Variants in TULP4 observed in about 807,000 individuals in gnomAD.
The protein encoded by TULP4 is TUB like protein 4, also known as tubby-related protein 4.
Under a neutral mutation model 129.0 loss-of-function variants are expected in TULP4, and 16 were observed. The ratio of observed to expected loss-of-function variants is 0.12; its 90% CI spans 0.08 to 0.19. The LOEUF (loss-of-function observed/expected upper bound fraction) is 0.19, where lower values mean the gene tolerates loss of function less well. Ranked by LOEUF, TULP4 falls within the 10% of genes least tolerant of loss-of-function variation. TULP4 has a pLI of 1.00. For missense variants in TULP4, 1,842 were observed against 2,059.1 expected (o/e 0.89, Z 2.04); for synonymous variants, 998 against 854.0 (o/e 1.17, Z -2.94).
chr6:158,477,728 C>T (rs1045754390), intron 6 of TULP4, among the ~76,000 whole-genome samples: 1 of 152,198 alleles, frequency 6.6e-6, no homozygotes, highest in African/African-American at 2.4e-5. Context: ...GAATTGAGAA[C>T]TAACGTTCGA....
intron 1 of TULP4, among the ~76,000 whole-genome samples, chr6:158,350,126 C>T (rs184196346): frequency 1.7e-3 from 248 of 146,544 alleles, no homozygotes; most frequent in Middle Eastern, 7.6e-3. Context: ...ACTTCCCATT[C>T]GGGGCAACCG....
At chr6:158,373,973 C>T (rs986994858) in intron 1 of TULP4, among the ~76,000 whole-genome samples, 4 of 152,162 alleles carry the variant, frequency 2.6e-5, no homozygotes, top group African/African-American at 9.7e-5. Flanking sequence ...ATTTTCTTAG[C>T]TTCAAACTAG....
At chr6:158,466,974 AAGGAAAG>A (rs1427603483) in intron 6 of TULP4, among the ~76,000 whole-genome samples, 1 of 152,164 alleles carries the variant, frequency 6.6e-6, no homozygotes, top group Non-Finnish European at 1.5e-5. Flanking sequence ...TCTGAAGCCT[AAGGAAAG>A]AGGCCTGTAT....
chr6:158,247,960 G>A (rs57984586), intron 1 of TULP4, among the ~76,000 whole-genome samples: 4,706 of 152,208 alleles, frequency 0.031, 254 homozygotes, highest in African/African-American at 0.11. Context: ...CCACAAAACC[G>A]GAGGCACAAA....
At chr6:158,497,297 A>G (rs1394452888) in intron 11 of TULP4, among the ~76,000 whole-genome samples, 2 of 152,256 alleles carry the variant, frequency 1.3e-5, no homozygotes, top group African/African-American at 4.8e-5. Context: ...CCATTAAATA[A>G]TCTTTTCAAA....
At chr6:158,481,683 T>C (rs979841964) in intron 8 of TULP4, 1 of 211,832 alleles carries the variant, frequency 4.7e-6, no homozygotes, top group Non-Finnish European at 9.7e-6. Flanking sequence ...GAGTGGATGA[T>C]AAAATTGAAA....
Position 158,316,380 on chromosome 6 carries a change from A to G in TULP4, c.252+2112A>G, listed in dbSNP as rs188972015. Among the ~76,000 whole-genome samples the G allele has an allele frequency of 1.6e-3, 240 of 152,340 alleles. 1 individual carries two copies. The highest frequency in any genetic ancestry group is 6.8e-3 in the Middle Eastern group (2 of 294). On this transcript the variant is annotated intron_variant, in intron 1 of 13. Transcript: ENST00000367097. The stretch of plus-strand genomic sequence containing the variant: ...ACTATTTACACCTCATCATTAATGT[A>G]TGAAAGTTTTAGTTGTAAGGCCAAG...
chr6:158,404,088 A>C (rs555899647), intron 1 of TULP4, among the ~76,000 whole-genome samples: 6 of 152,172 alleles, frequency 3.9e-5, no homozygotes, highest in Non-Finnish European at 8.8e-5. Flanking sequence ...GTCAGTCTCC[A>C]CTCATGCTCC....
In TULP4 at chr6:158,429,965, C is replaced by T; in HGVS notation, c.543+68C>T. The T allele has an allele frequency of 3.4e-6, 5 of 1,458,390 alleles. No homozygotes were observed. In the South Asian group the frequency reaches 5.8e-5, roughly 17 times the overall value. The allele number at this position is 1,458,390 out of a possible 1,614,324, so 90.3% of individuals were successfully genotyped here. ...TGAGGGCTGGGAGGGAAGAAAGGGGCAGGAGAGGGGAGCTGGTGCAAAAGC... is the reference window on the plus strand; with the variant it reads ...TGAGGGCTGGGAGGGAAGAAAGGGGTAGGAGAGGGGAGCTGGTGCAAAAGC... On this transcript the variant is annotated intron_variant, in intron 3 of 13. Coordinates refer to ENST00000367097, the MANE Select transcript of TULP4 (RefSeq NM_020245.5).
chr6:158,361,174 A>G (rs1780779502), intron 1 of TULP4, among the ~76,000 whole-genome samples: 2 of 152,206 alleles, frequency 1.3e-5, no homozygotes, highest in Non-Finnish European at 2.9e-5. Context: ...GCAACAGTGT[A>G]CTTCCATCTG....
intron 1 of TULP4, among the ~76,000 whole-genome samples, chr6:158,372,561 A>T (rs1052573187): frequency 2.0e-5 from 3 of 152,206 alleles, no homozygotes; most frequent in Non-Finnish European, 2.9e-5. Flanking sequence ...AGTGTGAGAT[A>T]ATTGGAAAGG....
intron 6 of TULP4, among the ~76,000 whole-genome samples, chr6:158,474,691 A>G (rs1779775871): frequency 6.6e-6 from 1 of 151,960 alleles, no homozygotes; most frequent in South Asian, 2.1e-4. Flanking sequence ...CAGGTTGAGT[A>G]CTCCTTATCT....
At chr6:158,467,478 T>C (rs1225780933) in intron 6 of TULP4, among the ~76,000 whole-genome samples, 1 of 151,986 alleles carries the variant, frequency 6.6e-6, no homozygotes, top group African/African-American at 2.4e-5. Context: ...AGATGGGGTT[T>C]TACCATGTTG....
At chr6:158,294,914 G>T (rs1402241276) in intron 1 of TULP4, among the ~76,000 whole-genome samples, 1 of 151,984 alleles carries the variant, frequency 6.6e-6, no homozygotes, top group East Asian at 1.9e-4. Context: ...GTAGAGACTG[G>T]GTTTTGCTAT....
At position 158,240,767 on chromosome 6, in the gene TULP4, C is replaced by A. The variant is rs1408107005; in HGVS notation, n.68+8464C>A. ...GGGGGCTGACCCCCCCACCTCCCTC[C>A]CGGTCGGCACGGCTGGCCAGGCGGG... On this transcript the variant is annotated intron_variant and non_coding_transcript_variant, in intron 1 of 1. Transcript: ENST00000620026. Among the ~76,000 whole-genome samples, 6 of 140,412 alleles carry A rather than the reference C, an allele frequency of 4.3e-5. 1 individual carries two copies. The highest frequency in any genetic ancestry group is 9.6e-5 in the Non-Finnish European group (6 of 62,522). The allele number at this position is 140,412 out of a possible 152,430, so 92.1% of individuals were successfully genotyped here.
intron 1 of TULP4, among the ~76,000 whole-genome samples, chr6:158,372,858 AT>A (rs1777101872): frequency 6.6e-6 from 1 of 152,238 alleles, no homozygotes; most frequent in Non-Finnish European, 1.5e-5. Flanking sequence ...CATTACTTTC[AT>A]ATTCTGAAAA....
Position 158,496,880 on chromosome 6 carries a change from C to A in TULP4, c.1871-1789C>A, listed in dbSNP as rs958922948. 2.0e-5 allele frequency among the ~76,000 whole-genome samples: 3 copies of A among 152,172 alleles called. No homozygotes were observed. In the South Asian group the frequency reaches 6.2e-4, roughly 32 times the overall value. ...GGGGGTGCAGGGAGATAGGGCCTGGCTCTGTCACCCATGCTAGAGTGCAGT... is the reference window on the plus strand; with the variant it reads ...GGGGGTGCAGGGAGATAGGGCCTGGATCTGTCACCCATGCTAGAGTGCAGT... On this transcript the variant is annotated intron_variant, in intron 11 of 13. Coordinates refer to ENST00000367097, the MANE Select transcript of TULP4 (RefSeq NM_020245.5).
At chr6:158,260,501 G>A (rs369443444) in intron 1 of TULP4, among the ~76,000 whole-genome samples, 187 of 151,598 alleles carry the variant, frequency 1.2e-3, no homozygotes, top group African/African-American at 4.1e-3. Flanking sequence ...GCATGAACCC[G>A]GGGGGCGGAG....
intron 1 of TULP4, among the ~76,000 whole-genome samples, chr6:158,365,767 G>A (rs1163786966): frequency 9.9e-5 from 15 of 151,628 alleles, no homozygotes; most frequent in South Asian, 8.3e-4. Context: ...TACCGCGCCC[G>A]GCCTGGAAGT....
Sources: allele counts gnomAD v4.1 joint callset (sites outside exome capture counted in the v4.1 genomes callset), GRCh38; gene constraint gnomAD v4.1.1; transcripts MANE v1.5; gene names NCBI Gene and HGNC (gene_info 2026-07-23, HGNC 2026-07-21).